The following SSBP2 variants were observed in gnomAD, a reference collection of about 807,000 sequenced individuals.
SSBP2 encodes the protein single-stranded DNA-binding protein 2.
A neutral mutation model predicts 61.8 loss-of-function variants in SSBP2; 17 were observed. The ratio of observed to expected loss-of-function variants is 0.28; its 90% CI spans 0.19 to 0.41. The LOEUF (loss-of-function observed/expected upper bound fraction) is 0.41. Ranked by LOEUF, SSBP2 falls within the 10% of genes least tolerant of loss-of-function variation. The pLI, the probability that SSBP2 is intolerant of heterozygous loss-of-function variation, is 1.00. For missense variants in SSBP2, 310 were observed against 458.7 expected, an observed-to-expected ratio of 0.68 and a Z score of 2.96; for synonymous variants, 139 against 141.3, an observed-to-expected ratio of 0.98 and a Z score of 0.12.
intron 1 of SSBP2, among the ~76,000 whole-genome samples, chr5:81,698,532 C>T (rs1417166379): frequency 2.6e-5 from 4 of 152,196 alleles, no homozygotes. Context: ...TGCATGTAGG[C>T]CACGTGCGGT....
chr5:81,629,404 A>C (rs1747481010), intron 3 of SSBP2, among the ~76,000 whole-genome samples: 1 of 152,216 alleles, frequency 6.6e-6, no homozygotes, highest in South Asian at 2.1e-4. Flanking sequence ...TGTAAGCAGG[A>C]CTTCATAATC....
chr5:81,557,628 G>A (rs1182343602), intron 4 of SSBP2, among the ~76,000 whole-genome samples: 5 of 152,102 alleles, frequency 3.3e-5, no homozygotes, highest in Admixed American at 6.6e-5. Context: ...CTTCTGCAAT[G>A]TCTAATATAC....
At chr5:81,597,886 T>C (rs1466104318) in intron 4 of SSBP2, among the ~76,000 whole-genome samples, 1 of 148,200 alleles carries the variant, frequency 6.7e-6, no homozygotes, top group Non-Finnish European at 1.5e-5. Context: ...AGGGATAGCA[T>C]TAGGAGGTAT....
chr5:81,490,457 A>C (rs961906131), intron 5 of SSBP2, among the ~76,000 whole-genome samples: 1 of 152,190 alleles, frequency 6.6e-6, no homozygotes, highest in African/African-American at 2.4e-5. Context: ...ATATAAGCAA[A>C]TATCAAATCT....
intron 1 of SSBP2, among the ~76,000 whole-genome samples, chr5:81,748,939 A>G (rs1310348483): frequency 1.3e-5 from 2 of 152,140 alleles, no homozygotes; most frequent in African/African-American, 4.8e-5. Context: ...ACTGAGTGGG[A>G]TTCAACTAAA....
chr5:81,675,686 C>T (rs1751916642), intron 1 of SSBP2, among the ~76,000 whole-genome samples: 1 of 152,126 alleles, frequency 6.6e-6, no homozygotes, highest in African/African-American at 2.4e-5. Context: ...TGGTAGCCTT[C>T]CCATAATACA....
intron 5 of SSBP2, among the ~76,000 whole-genome samples, chr5:81,512,671 GA>G (rs1406623671): frequency 6.6e-6 from 1 of 152,066 alleles, no homozygotes; most frequent in Non-Finnish European, 1.5e-5. Flanking sequence ...ATACGGTTTG[GA>G]AAATTATTTA....
chr5:81,714,356 G>A (rs937416575), intron 1 of SSBP2, among the ~76,000 whole-genome samples: 1 of 152,268 alleles, frequency 6.6e-6, no homozygotes, highest in South Asian at 2.1e-4. Context: ...GAATAGTGCT[G>A]CAATAAACAT....
chr5:81,496,637 TAATAA>T (rs1767304954), intron 5 of SSBP2, among the ~76,000 whole-genome samples: 1 of 152,242 alleles, frequency 6.6e-6, no homozygotes, highest in African/African-American at 2.4e-5. Context: ...TATACATATA[TAATAA>T]AATATTACTT....
intron 8 of SSBP2, among the ~76,000 whole-genome samples, chr5:81,470,447 C>G (rs1275116936): frequency 6.6e-6 from 1 of 151,474 alleles, no homozygotes; most frequent in Admixed American, 6.6e-5. Flanking sequence ...AAAAATATGC[C>G]TACTAGATTT....
chr5:81,715,292 T>C (rs1755101959), intron 1 of SSBP2, among the ~76,000 whole-genome samples: 1 of 151,972 alleles, frequency 6.6e-6, no homozygotes, highest in Admixed American at 6.5e-5. Flanking sequence ...TCCACCAAAA[T>C]AATGACCTAA....
At chr5:81,594,297 C>A (rs1743468678) in intron 4 of SSBP2, among the ~76,000 whole-genome samples, 1 of 152,018 alleles carries the variant, frequency 6.6e-6, no homozygotes, top group African/African-American at 2.4e-5. Context: ...GCTAACTATC[C>A]TAAATATATA....
At chr5:81,437,039 T>C (rs182719177) in intron 15 of SSBP2, among the ~76,000 whole-genome samples, 19 of 152,284 alleles carry the variant, frequency 1.2e-4, no homozygotes, top group African/African-American at 3.6e-4. Context: ...TTATGATATA[T>C]AATAACCACT....
chr5:81,636,370 C>A, intron 3 of SSBP2, 187 bp downstream of exon 3: 1 of 453,076 alleles, frequency 2.2e-6, no homozygotes, highest in Non-Finnish European at 4.0e-6. Context: ...CAGTTGAACT[C>A]AATAGTAGTA....
intron 3 of SSBP2, among the ~76,000 whole-genome samples, chr5:81,624,681 A>G (rs1746957581): frequency 6.6e-6 from 1 of 152,160 alleles, no homozygotes; most frequent in Non-Finnish European, 1.5e-5. Flanking sequence ...AGGCTGTAGT[A>G]AGACCAAAAT....
intron 4 of SSBP2, among the ~76,000 whole-genome samples, chr5:81,531,238 A>G (rs1375556032): frequency 6.6e-6 from 1 of 150,782 alleles, no homozygotes; most frequent in Non-Finnish European, 1.5e-5. Flanking sequence ...GGAAAAAAAA[A>G]AAAAGAAAAA....
intron 1 of SSBP2, among the ~76,000 whole-genome samples, chr5:81,691,198 A>G (rs1753178657): frequency 6.6e-6 from 1 of 152,134 alleles, no homozygotes; most frequent in Non-Finnish European, 1.5e-5. Context: ...CAAAATTAGT[A>G]GAAGGAAAGA....
chr5:81,712,080 T>A (rs1754830571), intron 1 of SSBP2, among the ~76,000 whole-genome samples: 1 of 151,152 alleles, frequency 6.6e-6, no homozygotes, highest in South Asian at 2.1e-4. Context: ...GTAGCTATTA[T>A]TAACCACTAG....
Position 81,416,025 on chromosome 5 carries a change from C to T in SSBP2, c.*4479G>A, listed in dbSNP as rs1361703769. 6.6e-6 allele frequency: 1 copy of T among 151,516 alleles called. No homozygotes were observed. The highest frequency in any genetic ancestry group is 2.4e-5 in the African/African-American group (1 of 41,108). 9.4% of individuals were successfully genotyped at this position (151,516 alleles called of 1,614,324 possible). On this transcript the variant is annotated 3_prime_UTR_variant, in exon 17 of 17. Coordinates refer to ENST00000320672, the MANE Select transcript of SSBP2 (RefSeq NM_012446.5). ...ATCACTTGAGGTCAGGAGTTCCAGACCAGCCTGGCCAACATGGTGAAACCC... is the reference window on the plus strand; with the variant it reads ...ATCACTTGAGGTCAGGAGTTCCAGATCAGCCTGGCCAACATGGTGAAACCC...
Sources: gnomAD v4.1 joint callset for allele counts (sites outside exome capture counted in the v4.1 genomes callset) on GRCh38, gnomAD v4.1.1 for gene constraint, MANE v1.5 for transcripts, NCBI Gene and HGNC (gene_info 2026-07-23, HGNC 2026-07-21) for gene names.